The following TRMT11 variants were observed in gnomAD, a reference collection of about 807,000 sequenced individuals.
The protein encoded by TRMT11 is tRNA (guanine(10)-N(2))-methyltransferase TRMT11.
A neutral mutation model predicts 62.8 loss-of-function variants in TRMT11; 53 were observed. That is an observed-to-expected ratio of 0.84 (90% CI 0.68 to 1.06). The LOEUF is 1.06. Ranked by LOEUF, TRMT11 falls within the 50% of genes least tolerant of loss-of-function variation. The pLI, the probability that TRMT11 is intolerant of heterozygous loss-of-function variation, is 0.00. For synonymous variants in TRMT11, 188 were observed against 190.3 expected (o/e 0.99, Z 0.10); for missense variants, 556 against 553.4 (o/e 1.00, Z -0.05).
At chr6:126,061,131 T>C (rs1776523972) in intron 17 of TRMT11, among the ~76,000 whole-genome samples, 2 of 152,248 alleles carry the variant, frequency 1.3e-5, no homozygotes, top group Admixed American at 6.5e-5. Context: ...TGTACTTGGC[T>C]ATTCAAAGTG....
At chr6:126,108,552 A>G (rs2128185462) in intron 17 of TRMT11, among the ~76,000 whole-genome samples, 1 of 152,338 alleles carries the variant, frequency 6.6e-6, no homozygotes, top group South Asian at 2.1e-4. Context: ...TTTAGAGATC[A>G]GTTACCCTGG....
At chr6:126,090,540 A>G (rs1777262399) in intron 17 of TRMT11, among the ~76,000 whole-genome samples, 1 of 152,188 alleles carries the variant, frequency 6.6e-6, no homozygotes, top group Non-Finnish European at 1.5e-5. Context: ...TCTGGAAGCA[A>G]TTAGTTGATT....
intron 18 of TRMT11, among the ~76,000 whole-genome samples, chr6:126,112,963 T>TA (rs1389196446): frequency 6.6e-6 from 1 of 152,094 alleles, no homozygotes; most frequent in South Asian, 2.1e-4. Flanking sequence ...AGGTAGGTTG[T>TA]GTGTTTCTAG....
chr6:126,023,856 T>C (rs1470854670), intron 12 of TRMT11, among the ~76,000 whole-genome samples: 1 of 152,250 alleles, frequency 6.6e-6, no homozygotes, highest in African/African-American at 2.4e-5. Flanking sequence ...ACAGTAATTG[T>C]GTAATCTACT....
the TRMT11 span, among the ~76,000 whole-genome samples, chr6:126,239,320 T>A: frequency 2.6e-5 from 4 of 152,202 alleles, no homozygotes; most frequent in African/African-American, 9.7e-5. Context: ...CTTTACAATT[T>A]GTCATGTTTT....
At chr6:126,186,653 A>G (rs559875858) in intron 1 of TRMT11, among the ~76,000 whole-genome samples, 1 of 152,088 alleles carries the variant, frequency 6.6e-6, no homozygotes, top group Non-Finnish European at 1.5e-5. Context: ...CCTTTTTATT[A>G]TCTAGGAATC....
rs895710897 is a variant in TRMT11, at chr6:126,048,060, T to C, written c.*1370-5063T>C. Among the ~76,000 whole-genome samples, 7 of 152,228 alleles carry C rather than the reference T, an allele frequency of 4.6e-5. No homozygotes were observed. The East Asian group carries it at 1.2e-3, about 25-fold the overall frequency. On this transcript the variant is annotated intron_variant and NMD_transcript_variant, in intron 16 of 22. Transcript: ENST00000648977. The stretch of plus-strand genomic sequence containing the variant: ...CAGCTAATCCTTTGGGGGAAAACTT[T>C]ATCATCCATTCTGCTGCCTGAAACA...
At chr6:126,191,260 G>A (rs962024419) in intron 1 of TRMT11, among the ~76,000 whole-genome samples, 2 of 151,766 alleles carry the variant, frequency 1.3e-5, no homozygotes, top group Non-Finnish European at 1.5e-5. Flanking sequence ...TGTCTATTCA[G>A]ATCTTTTGTG....
At chr6:126,194,150 T>C (rs1283487697) in intron 1 of TRMT11, among the ~76,000 whole-genome samples, 4 of 152,156 alleles carry the variant, frequency 2.6e-5, no homozygotes, top group African/African-American at 7.2e-5. Flanking sequence ...GGTCTGTAAA[T>C]GTATGTTAGG....
exon 4 of TRMT11, chr6:126,202,120 A>G (rs1026757457): frequency 6.6e-5 from 10 of 152,214 alleles, no homozygotes; most frequent in Admixed American, 4.6e-4. Flanking sequence ...GAAATAAACT[A>G]ACTTAAACTC....
intron 1 of TRMT11, among the ~76,000 whole-genome samples, chr6:126,194,261 A>G (rs1056130007): frequency 2.6e-5 from 4 of 152,152 alleles, no homozygotes; most frequent in Non-Finnish European, 5.9e-5. Context: ...GAAGTCCCCT[A>G]CTATTATTAT....
chr6:126,215,938 A>G, the TRMT11 span, among the ~76,000 whole-genome samples: 6 of 152,054 alleles, frequency 3.9e-5, no homozygotes, highest in Admixed American at 1.3e-4. Flanking sequence ...TGTACTGTCT[A>G]TGACTTAAAA....
At chr6:126,067,678 G>A (rs1776731166) in intron 17 of TRMT11, among the ~76,000 whole-genome samples, 1 of 152,156 alleles carries the variant, frequency 6.6e-6, no homozygotes, top group Non-Finnish European at 1.5e-5. Flanking sequence ...ACATATATGT[G>A]CATTTGGTTG....
the TRMT11 span, among the ~76,000 whole-genome samples, chr6:126,217,895 G>A: frequency 6.6e-6 from 1 of 152,130 alleles, no homozygotes; most frequent in Non-Finnish European, 1.5e-5. Flanking sequence ...CCAGGGCCTG[G>A]AGTCAGAAGC....
intron 17 of TRMT11, among the ~76,000 whole-genome samples, chr6:126,090,908 T>G (rs1777266854): frequency 6.6e-6 from 1 of 152,096 alleles, no homozygotes; most frequent in South Asian, 2.1e-4. Context: ...TGGGGCATCT[T>G]GTTAAATTAA....
At chr6:126,197,883 A>C (rs569874656) in intron 1 of TRMT11, among the ~76,000 whole-genome samples, 2 of 152,296 alleles carry the variant, frequency 1.3e-5, no homozygotes, top group Admixed American at 6.5e-5. Context: ...TCCAAGAGGC[A>C]GTGAGGGACC....
chr6:126,002,728 C>G (rs1384616393), intron 7 of TRMT11, among the ~76,000 whole-genome samples: 1 of 152,034 alleles, frequency 6.6e-6, no homozygotes, highest in Admixed American at 6.6e-5. Context: ...AAGTGGTACT[C>G]AAAGAGATGT....
At chr6:126,193,776 G>A (rs548304849) in intron 1 of TRMT11, among the ~76,000 whole-genome samples, 77 of 151,958 alleles carry the variant, frequency 5.1e-4, no homozygotes, top group South Asian at 3.7e-3. Context: ...GAGTCACCAT[G>A]CCCGGCCGCG....
chr6:126,223,415 C>T, the TRMT11 span, among the ~76,000 whole-genome samples: 4 of 142,284 alleles, frequency 2.8e-5, no homozygotes, highest in South Asian at 2.1e-4. Flanking sequence ...AGCAAGACTC[C>T]GTCTCGAAAA....
Sources: gnomAD v4.1 joint callset for allele counts (sites outside exome capture counted in the v4.1 genomes callset) on GRCh38, gnomAD v4.1.1 for gene constraint, MANE v1.5 for transcripts, NCBI Gene and HGNC (gene_info 2026-07-23, HGNC 2026-07-21) for gene names.